The following SLC35F1 variants were observed in gnomAD, a reference collection of about 807,000 sequenced individuals.
The protein encoded by SLC35F1 is chromosome 6 open reading frame 169.
In SLC35F1, 14 loss-of-function variants were observed where a neutral mutation model predicts 48.7. The ratio of observed to expected loss-of-function variants is 0.29; its 90% CI spans 0.19 to 0.45. The LOEUF (loss-of-function observed/expected upper bound fraction) is 0.45. Ranked by LOEUF, SLC35F1 falls within the 20% of genes least tolerant of loss-of-function variation. The probability of loss-of-function intolerance (pLI) is 1.00; values close to 1 mark genes in which losing one functional copy is unlikely to be tolerated. For missense variants in SLC35F1, 404 were observed against 500.0 expected (o/e 0.81, Z 1.83); for synonymous variants, 190 against 202.2 (o/e 0.94, Z 0.51).
At chr6:118,100,018 G>C (rs1346579171) in intron 1 of SLC35F1, among the ~76,000 whole-genome samples, 2 of 152,096 alleles carry the variant, frequency 1.3e-5, no homozygotes, top group Non-Finnish European at 2.9e-5. Context: ...AGAGCATTTT[G>C]CATATATAAT....
intron 1 of SLC35F1, among the ~76,000 whole-genome samples, chr6:118,054,727 T>C (rs2114260547): frequency 6.6e-6 from 1 of 152,312 alleles, no homozygotes; most frequent in South Asian, 2.1e-4. Context: ...TTTTCCCAAC[T>C]GTTGGAGAGA....
chr6:118,053,704 A>C (rs1772423246), intron 1 of SLC35F1, among the ~76,000 whole-genome samples: 1 of 152,166 alleles, frequency 6.6e-6, no homozygotes, highest in South Asian at 2.1e-4. Flanking sequence ...TCCTATTTGA[A>C]GCACTAGCAC....
At position 118,128,049 on chromosome 6, in the gene SLC35F1, C is replaced by T. The variant is rs1449974502; in HGVS notation, c.174-26396C>T. Among the ~76,000 whole-genome samples, 4 of 149,500 alleles carry T rather than the reference C, an allele frequency of 2.7e-5. No individual in the cohort carries two copies. The East Asian group carries it at 7.9e-4, about 30-fold the overall frequency. ...AGAAGACATTTATGCAGCCAAAAGA[C>T]ACATGAAAAAATGCTCATCATCACT... On this transcript the variant is annotated intron_variant, in intron 1 of 7. Coordinates refer to ENST00000360388, the MANE Select transcript of SLC35F1 (RefSeq NM_001029858.4).
chr6:118,277,471 G>A (rs1173450599), intron 5 of SLC35F1, 23 bp from the exon 6 acceptor site: 1 of 1,611,410 alleles, frequency 6.2e-7, no homozygotes, highest in Non-Finnish European at 8.5e-7. Context: ...TGCTCATCAG[G>A]TTCATTTCCT....
chr6:117,966,348 T>G (rs1776570292), intron 1 of SLC35F1, among the ~76,000 whole-genome samples: 1 of 145,790 alleles, frequency 6.9e-6, no homozygotes, highest in Non-Finnish European at 1.5e-5. Flanking sequence ...CGGCAGGAAC[T>G]AACAACTCCA....
At chr6:118,023,086 C>CGATATAGAGAATG (rs1380725039) in intron 1 of SLC35F1, among the ~76,000 whole-genome samples, 2 of 152,030 alleles carry the variant, frequency 1.3e-5, no homozygotes, top group African/African-American at 4.8e-5. Context: ...GCTCAGCCAC[C>CGATATAGAGAATG]CTTATACAGG....
intron 1 of SLC35F1, among the ~76,000 whole-genome samples, chr6:117,964,555 G>A (rs1776536438): frequency 6.6e-6 from 1 of 152,174 alleles, no homozygotes; most frequent in East Asian, 1.9e-4. Context: ...ATTGAGTGAG[G>A]CCTAGGCCTC....
chr6:118,309,292 C>T (rs1464571820), intron 7 of SLC35F1, among the ~76,000 whole-genome samples: 2 of 151,908 alleles, frequency 1.3e-5, no homozygotes, highest in African/African-American at 2.4e-5. Flanking sequence ...ACTCCTGCCT[C>T]AGCCTCCTGA....
chr6:118,290,901 T>G (rs776856389), intron 7 of SLC35F1, among the ~76,000 whole-genome samples: 11 of 151,856 alleles, frequency 7.2e-5, no homozygotes, highest in Non-Finnish European at 1.3e-4. Flanking sequence ...TTCAAGCGAT[T>G]CTCCTGCCTC....
At chr6:118,311,851 T>C (rs982002628) in intron 7 of SLC35F1, among the ~76,000 whole-genome samples, 2 of 152,100 alleles carry the variant, frequency 1.3e-5, no homozygotes, top group African/African-American at 4.8e-5. Flanking sequence ...TTATAAAATA[T>C]ATCAGTATTA....
At chr6:118,292,086 C>G (rs181007071) in intron 7 of SLC35F1, among the ~76,000 whole-genome samples, 1 of 152,180 alleles carries the variant, frequency 6.6e-6, no homozygotes, top group Admixed American at 6.5e-5. Context: ...CCACTGCACT[C>G]CAGCCTGGGA....
intron 1 of SLC35F1, among the ~76,000 whole-genome samples, chr6:117,933,613 C>T (rs1776128972): frequency 6.6e-6 from 1 of 152,174 alleles, no homozygotes; most frequent in African/African-American, 2.4e-5. Flanking sequence ...GTTTTCCTCT[C>T]TTTCAGCTTC....
chr6:118,285,372 T>C (rs1227546926), intron 7 of SLC35F1, 34 bp downstream of exon 7: 1 of 1,610,952 alleles, frequency 6.2e-7, no homozygotes, highest in African/African-American at 1.3e-5. Context: ...GTGAAGATGA[T>C]ACTTTGTAGG....
chr6:118,210,997 G>C (rs1030443967), intron 2 of SLC35F1, among the ~76,000 whole-genome samples: 1 of 152,086 alleles, frequency 6.6e-6, no homozygotes, highest in Non-Finnish European at 1.5e-5. Flanking sequence ...AGGTCCTATG[G>C]GTGGACCCTA....
chr6:117,911,966 G>A (rs965061344), intron 1 of SLC35F1, among the ~76,000 whole-genome samples: 3 of 152,194 alleles, frequency 2.0e-5, no homozygotes, highest in African/African-American at 4.8e-5. Context: ...ATGTTTTTGA[G>A]AAATGAGTGA....
Position 118,180,019 on chromosome 6 carries a change from A to G in SLC35F1, c.349+25399A>G, listed in dbSNP as rs141378919. Among the ~76,000 whole-genome samples the G allele has an allele frequency of 3.8e-3, 572 of 152,306 alleles. 2 individuals carry two copies. Among genetic ancestry groups the G allele is most frequent in the African/African-American group, 0.012 (519 of 41,576 alleles). On this transcript the variant is annotated intron_variant, in intron 2 of 7. Transcript: ENST00000360388. ...TAGGATGAAATCTGTCCCATAAGAA[A>G]GGAAATAGGGAAATGTGCCTGTCTG...
chr6:117,963,962 T>C (rs960605977), intron 1 of SLC35F1, among the ~76,000 whole-genome samples: 61 of 152,188 alleles, frequency 4.0e-4, no homozygotes, highest in South Asian at 8.3e-4. Context: ...ATCCTGATGC[T>C]CTCCCTTCCC....
chr6:118,237,300 G>A (rs574965133), intron 3 of SLC35F1, among the ~76,000 whole-genome samples: 25 of 147,444 alleles, frequency 1.7e-4, no homozygotes, highest in East Asian at 6.0e-4. Context: ...TTTATTTTGC[G>A]CAAGACCTCA....
intron 1 of SLC35F1, among the ~76,000 whole-genome samples, chr6:118,134,552 G>A (rs867884186): frequency 1.3e-5 from 2 of 152,308 alleles, no homozygotes; most frequent in South Asian, 4.1e-4. Flanking sequence ...CCATGCAATA[G>A]GCAAGCGTTT....
Sources: gnomAD v4.1 joint callset for allele counts (sites outside exome capture counted in the v4.1 genomes callset) on GRCh38, gnomAD v4.1.1 for gene constraint, MANE v1.5 for transcripts, NCBI Gene and HGNC (gene_info 2026-07-23, HGNC 2026-07-21) for gene names.